ADGRL3: variants seen among roughly 807,000 people sequenced by gnomAD.
ADGRL3 encodes adhesion G protein-coupled receptor L3, also known as calcium-independent alpha-latrotoxin receptor 3.
Under a neutral mutation model 153.5 loss-of-function variants are expected in ADGRL3, and 62 were observed. The ratio of observed to expected loss-of-function variants is 0.40; its 90% confidence interval spans 0.33 to 0.50. The LOEUF (loss-of-function observed/expected upper bound fraction) is 0.50. Among genes scored for constraint, ADGRL3 ranks in the 20% least tolerant of loss-of-function variants. The pLI is 0.47. For missense variants in ADGRL3, 1,641 were observed against 1,859.4 expected (o/e 0.88, Z 2.16); for synonymous variants, 710 against 672.5 (o/e 1.06, Z -0.86).
chr4:61,364,373 A>T (rs927408321), intron 1 of ADGRL3, among the ~76,000 whole-genome samples: 1 of 151,622 alleles, frequency 6.6e-6, no homozygotes, highest in South Asian at 2.1e-4. Context: ...TTTAAAAATC[A>T]TGAAATATGA....
chr4:61,767,010 T>A (rs1580721265), intron 8 of ADGRL3, among the ~76,000 whole-genome samples: 1 of 152,078 alleles, frequency 6.6e-6, no homozygotes, highest in African/African-American at 2.4e-5. Context: ...ATAACAGGCT[T>A]TAATCTTTTT....
chr4:61,279,541 G>A (rs1239139927), intron 1 of ADGRL3, among the ~76,000 whole-genome samples: 7 of 152,210 alleles, frequency 4.6e-5, no homozygotes, highest in African/African-American at 1.4e-4. Context: ...ATTACAGCTA[G>A]CCCTTCATCT....
At chr4:61,748,325 C>G (rs1345742429) in intron 8 of ADGRL3, among the ~76,000 whole-genome samples, 1 of 152,124 alleles carries the variant, frequency 6.6e-6, no homozygotes, top group East Asian at 1.9e-4. Flanking sequence ...ATCAAGCTAC[C>G]AATGACTTTC....
At chr4:61,844,286 G>C (rs925913325) in intron 9 of ADGRL3, among the ~76,000 whole-genome samples, 3 of 150,976 alleles carry the variant, frequency 2.0e-5, no homozygotes, top group Non-Finnish European at 4.4e-5. Context: ...GGTGGCTCAC[G>C]CCTGTAATCC....
intron 25 of ADGRL3, among the ~76,000 whole-genome samples, chr4:62,062,304 A>G (rs890054235): frequency 6.6e-6 from 1 of 151,782 alleles, no homozygotes; most frequent in African/African-American, 2.4e-5. Flanking sequence ...TGTTGTTGCT[A>G]TTAGTTTTTT....
At chr4:61,599,212 A>G (rs2099001057) in intron 5 of ADGRL3, among the ~76,000 whole-genome samples, 1 of 152,242 alleles carries the variant, frequency 6.6e-6, no homozygotes, top group Non-Finnish European at 1.5e-5. Context: ...TGACTGGGGA[A>G]ACCCAGCAAG....
chr4:61,876,406 C>G (rs9992014), intron 9 of ADGRL3, among the ~76,000 whole-genome samples: 25,572 of 151,972 alleles, frequency 0.17, 2,309 homozygotes, highest in Non-Finnish European at 0.2. Flanking sequence ...GATGCACGGC[C>G]TTGCCTGGCT....
chr4:61,850,957 A>G (rs1048330715), intron 9 of ADGRL3, among the ~76,000 whole-genome samples: 1 of 152,200 alleles, frequency 6.6e-6, no homozygotes, highest in African/African-American at 2.4e-5. Context: ...CAATGGCATT[A>G]CCTTATTGAA....
chr4:61,510,679 A>G (rs11941855), intron 3 of ADGRL3, among the ~76,000 whole-genome samples: 78,646 of 152,020 alleles, frequency 0.52, 22,082 homozygotes, highest in East Asian at 0.69. Flanking sequence ...AGATAGTTTG[A>G]CATTTGGCAT....
intron 13 of ADGRL3, among the ~76,000 whole-genome samples, chr4:61,921,965 A>G (rs1489178198): frequency 6.6e-6 from 1 of 152,236 alleles, no homozygotes; most frequent in Non-Finnish European, 1.5e-5. Context: ...CCTCTTCATC[A>G]GTAGGAAATC....
Position 61,895,767 on chromosome 4 carries a change from T to C in ADGRL3, c.1820T>C (p.Ile607Thr). ...TATCTATGCCTTGCTCCTGATGGAA[T>C]TTGGGATCCCCAAGGTCCAGATCTC... ...STYLCLAPDG[I>T]WDPQGPDLSN... Residue 607 changes from isoleucine to threonine, a missense_variant, in exon 11 of 27, where the codon ATT (isoleucine) becomes ACT (threonine). Physicochemically the swap from Ile to Thr is moderately conservative, Grantham distance 89. Around this residue, in one of 5 missense-constraint regions of ADGRL3, gnomAD observed 734 missense variants for 797.0 expected, o/e 0.92. Coordinates refer to ENST00000683033, the MANE Select transcript of ADGRL3 (RefSeq NM_001387552.1). 1 of 1,601,418 alleles carries C rather than the reference T, an allele frequency of 6.2e-7. No homozygotes were observed. The highest frequency in any genetic ancestry group is 8.5e-7 in the Non-Finnish European group (1 of 1,173,114).
At chr4:61,615,180 T>C (rs2091855348) in intron 5 of ADGRL3, among the ~76,000 whole-genome samples, 1 of 152,140 alleles carries the variant, frequency 6.6e-6, no homozygotes, top group Admixed American at 6.5e-5. Flanking sequence ...TGCCTAAGGA[T>C]GAAGAGTTTA....
intron 17 of ADGRL3, among the ~76,000 whole-genome samples, chr4:61,961,442 T>C (rs2098987432): frequency 6.6e-6 from 1 of 152,156 alleles, no homozygotes; most frequent in South Asian, 2.1e-4. Flanking sequence ...ACATCAACCT[T>C]GACTCTAATT....
intron 1 of ADGRL3, among the ~76,000 whole-genome samples, chr4:61,352,253 C>T (rs1247839937): frequency 6.6e-6 from 1 of 152,136 alleles, no homozygotes; most frequent in Non-Finnish European, 1.5e-5. Context: ...CTACAGTCTC[C>T]ACCAGCCAAA....
At chr4:61,381,841 C>A (rs1040355720) in intron 1 of ADGRL3, among the ~76,000 whole-genome samples, 1 of 151,840 alleles carries the variant, frequency 6.6e-6, no homozygotes, top group Non-Finnish European at 1.5e-5. Flanking sequence ...GTTTTTCCTG[C>A]CCAAGCAGTC....
At chr4:61,254,577 A>G (rs1285723766) in intron 1 of ADGRL3, among the ~76,000 whole-genome samples, 3 of 152,038 alleles carry the variant, frequency 2.0e-5, no homozygotes, top group Admixed American at 1.3e-4. Context: ...TGAATCACTT[A>G]CCCTTATAGA....
intron 9 of ADGRL3, among the ~76,000 whole-genome samples, chr4:61,887,054 G>A (rs2098543680): frequency 6.6e-6 from 1 of 151,342 alleles, no homozygotes; most frequent in Admixed American, 6.6e-5. Context: ...TAGTAGAGAT[G>A]GGGTTTCACT....
At position 61,582,828 on chromosome 4, in the gene ADGRL3, A is replaced by G. The variant is rs9684551; in HGVS notation, c.260-4399A>G. Among the ~76,000 whole-genome samples, 941 of 152,054 alleles carry G rather than the reference A, an allele frequency of 6.2e-3. 16 individuals carry two copies. The highest frequency in any genetic ancestry group is 0.022 in the African/African-American group (893 of 41,520). On this transcript the variant is annotated intron_variant, in intron 4 of 26. Transcript: ENST00000683033. ...AAATGACCTTCTGTGTATCTCTCCC[A>G]TGACTAAGGAGCACCTTCTTCAAGT...
At chr4:61,367,334 C>A (rs1052618887) in intron 1 of ADGRL3, among the ~76,000 whole-genome samples, 1 of 151,688 alleles carries the variant, frequency 6.6e-6, no homozygotes, top group African/African-American at 2.4e-5. Context: ...TGTGCTGCAC[C>A]CACTAACTCA....
Sources: gnomAD v4.1 joint callset for allele counts (sites outside exome capture counted in the v4.1 genomes callset) on GRCh38, gnomAD v4.1.1 for gene constraint, gnomAD v4.1.1 regional missense constraint, MANE v1.5 for transcripts, NCBI Gene and HGNC (gene_info 2026-07-23, HGNC 2026-07-21) for gene names.